Variants in FOCAD observed in about 807,000 individuals in gnomAD.
FOCAD encodes the protein KIAA1797.
In FOCAD, 198 loss-of-function variants were observed where a neutral mutation model predicts 225.6. That is an observed-to-expected ratio of 0.88 (90% CI 0.78 to 0.99). The LOEUF (loss-of-function observed/expected upper bound fraction) is 0.99. Ranked by LOEUF, FOCAD falls within the 50% of genes least tolerant of loss-of-function variation. The pLI is 0.00. For missense variants in FOCAD, 2,713 were observed against 2,123.6 expected (o/e 1.28, Z -5.46); for synonymous variants, 897 against 755.0 (o/e 1.19, Z -3.08).
intron 11 of FOCAD, among the ~76,000 whole-genome samples, chr9:20,794,990 G>T (rs1273058002): frequency 6.6e-6 from 1 of 152,094 alleles, no homozygotes; most frequent in Non-Finnish European, 1.5e-5. Flanking sequence ...AATATTGAAT[G>T]ATATCAAAAT....
At chr9:20,895,801 C>G (rs117257835) in intron 21 of FOCAD, among the ~76,000 whole-genome samples, 1,875 of 151,826 alleles carry the variant, frequency 0.012, 25 homozygotes, top group Non-Finnish European at 0.018. Flanking sequence ...TATATAGACA[C>G]TCATGTCATC....
At chr9:20,917,425 T>C (rs1399470983) in intron 24 of FOCAD, among the ~76,000 whole-genome samples, 1 of 152,206 alleles carries the variant, frequency 6.6e-6, no homozygotes, top group Non-Finnish European at 1.5e-5. Flanking sequence ...ATGCTTATGG[T>C]TGTTTTAACA....
At chr9:20,889,560 G>A (rs1831429185) in intron 21 of FOCAD, among the ~76,000 whole-genome samples, 1 of 152,090 alleles carries the variant, frequency 6.6e-6, no homozygotes, top group African/African-American at 2.4e-5. Context: ...ATATGTTTGG[G>A]TCTATTTCTG....
intron 1 of FOCAD, among the ~76,000 whole-genome samples, chr9:20,708,078 T>A (rs1461480886): frequency 1.3e-5 from 2 of 152,192 alleles, no homozygotes; most frequent in African/African-American, 4.8e-5. Flanking sequence ...CCCTCTTTTT[T>A]GAGGGACAGG....
rs151228241 is a variant in FOCAD at position 20,831,755 on chromosome 9, G to A, written c.1920+8640G>A. On this transcript the variant is annotated intron_variant, in intron 15 of 43. Coordinates refer to ENST00000338382, the MANE Select transcript of FOCAD (RefSeq NM_001375567.1). ...TCACCTATCTATAGTGCATAATTTA[G>A]TGACTTTTTGAATAGAGTTTTGAAA... 2.6e-3 allele frequency among the ~76,000 whole-genome samples: 400 copies of A among 152,058 alleles called. 2 individuals carry two copies. Among genetic ancestry groups the A allele is most frequent in the African/African-American group, 9.1e-3 (377 of 41,508 alleles).
At chr9:20,885,251 CT>C in intron 21 of FOCAD, 21 bp downstream of exon 21, 1 of 1,435,326 alleles carries the variant, frequency 7.0e-7, no homozygotes, top group Non-Finnish European at 9.2e-7. Context: ...GTGTCCTCTT[CT>C]TTATGTTTTA....
chr9:20,950,143 A>G (rs548993675), intron 33 of FOCAD, among the ~76,000 whole-genome samples: 1 of 152,260 alleles, frequency 6.6e-6, no homozygotes, highest in Admixed American at 6.5e-5. Flanking sequence ...GATTTAAAAA[A>G]AAAAGATTAT....
At chr9:20,687,193 C>A (rs1184583052) in intron 1 of FOCAD, among the ~76,000 whole-genome samples, 1 of 152,010 alleles carries the variant, frequency 6.6e-6, no homozygotes, top group African/African-American at 2.4e-5. Flanking sequence ...TTTCTTTAGG[C>A]CAAAGGAAAT....
At chr9:20,724,694 T>C (rs1017820052) in intron 4 of FOCAD, among the ~76,000 whole-genome samples, 1 of 152,012 alleles carries the variant, frequency 6.6e-6, no homozygotes, top group Admixed American at 6.5e-5. Flanking sequence ...TTGCGGTGTG[T>C]AGTGAATACG....
At chr9:20,984,803 T>C (rs1224361361) in intron 39 of FOCAD, among the ~76,000 whole-genome samples, 1 of 152,188 alleles carries the variant, frequency 6.6e-6, no homozygotes, top group African/African-American at 2.4e-5. Flanking sequence ...GTTCCTTTTT[T>C]AAAAAAAATA....
intron 11 of FOCAD, among the ~76,000 whole-genome samples, chr9:20,818,104 G>A (rs868783185): frequency 6.6e-6 from 1 of 152,120 alleles, no homozygotes; most frequent in South Asian, 2.1e-4. Context: ...GGTATCTCAT[G>A]GTTTTGATTT....
intron 4 of FOCAD, among the ~76,000 whole-genome samples, chr9:20,722,071 C>G (rs968309639): frequency 2.1e-5 from 3 of 141,692 alleles, no homozygotes; most frequent in Non-Finnish European, 3.1e-5. Context: ...TCTCTGTTTC[C>G]TTTCTGACTG....
intron 35 of FOCAD, 167 bp from the exon 36 acceptor site, chr9:20,976,253 C>G (rs1475245836): frequency 5.7e-6 from 3 of 529,926 alleles, no homozygotes; most frequent in Non-Finnish European, 9.4e-6. Context: ...GCAAGCTTTT[C>G]TGGCAAATGG....
chr9:20,900,989 T>A (rs756242389), intron 21 of FOCAD, among the ~76,000 whole-genome samples: 23 of 151,852 alleles, frequency 1.5e-4, no homozygotes, highest in Non-Finnish European at 2.8e-4. Context: ...GTCATTTTAC[T>A]TTAAAAAGTG....
chr9:20,935,972 C>T (rs142197045), intron 28 of FOCAD, among the ~76,000 whole-genome samples: 2 of 152,016 alleles, frequency 1.3e-5, no homozygotes, highest in African/African-American at 4.8e-5. Flanking sequence ...GAAAAATAAT[C>T]AAAAAAAGAA....
chr9:20,797,921 T>C (rs1455518809), intron 11 of FOCAD, among the ~76,000 whole-genome samples: 1 of 152,202 alleles, frequency 6.6e-6, no homozygotes, highest in East Asian at 1.9e-4. Flanking sequence ...CCTTGTCTTG[T>C]GCCGGTTTTC....
rs1396829308 is a variant in FOCAD, at chr9:20,887,349, C to T, written c.2625+2119C>T. On this transcript the variant is annotated intron_variant, in intron 21 of 43. Coordinates refer to ENST00000338382, the MANE Select transcript of FOCAD (RefSeq NM_001375567.1). Reference sequence around the variant, plus strand: ...TCCTGGGTTCAAGGGATTCTCCTGCCTCAGCCTCCCGAGTAGCTGGGATTA... The same window carrying T: ...TCCTGGGTTCAAGGGATTCTCCTGCTTCAGCCTCCCGAGTAGCTGGGATTA... Among the ~76,000 whole-genome samples the T allele has an allele frequency of 2.0e-5, 3 of 152,056 alleles. No homozygotes were observed. In the East Asian group the frequency reaches 5.8e-4, roughly 29 times the overall value.
At chr9:20,746,819 C>T (rs892353235) in intron 5 of FOCAD, among the ~76,000 whole-genome samples, 1 of 152,130 alleles carries the variant, frequency 6.6e-6, no homozygotes, top group African/African-American at 2.4e-5. Context: ...TTTAGGATCA[C>T]CTGTTGCCTT....
intron 35 of FOCAD, among the ~76,000 whole-genome samples, chr9:20,971,529 T>A (rs1346035254): frequency 6.6e-6 from 1 of 151,924 alleles, no homozygotes; most frequent in Non-Finnish European, 1.5e-5. Context: ...AACCTTCACC[T>A]CCCGGGTTCA....
Sources: allele counts gnomAD v4.1 joint callset (sites outside exome capture counted in the v4.1 genomes callset), GRCh38; gene constraint gnomAD v4.1.1; transcripts MANE v1.5; gene names NCBI Gene and HGNC (gene_info 2026-07-23, HGNC 2026-07-21).